The following WNT3 variants were observed in gnomAD, a reference collection of about 807,000 sequenced individuals.
WNT3 encodes the protein Wnt family member 3.
In WNT3, 7 loss-of-function variants were observed where a neutral mutation model predicts 34.2. The observed-to-expected ratio is 0.20, with a 90% CI of 0.12 to 0.38. WNT3 has a LOEUF of 0.38. Among genes scored for constraint, WNT3 ranks in the 10% least tolerant of loss-of-function variants. The probability of loss-of-function intolerance (pLI) is 1.00; values close to 1 mark genes in which losing one functional copy is unlikely to be tolerated. For missense variants in WNT3, 267 were observed against 499.8 expected (o/e 0.53, Z 4.44); for synonymous variants, 212 against 211.5 (o/e 1.00, Z -0.02).
intron 1 of WNT3, among the ~76,000 whole-genome samples, chr17:46,805,464 G>A (rs548213266): frequency 6.6e-6 from 1 of 151,798 alleles, no homozygotes; most frequent in African/African-American, 2.4e-5. Flanking sequence ...TCCCAGCTAC[G>A]TGAGAGGCTG....
chr17:46,798,550 C>T (rs2084083017), intron 1 of WNT3, among the ~76,000 whole-genome samples: 1 of 152,186 alleles, frequency 6.6e-6, no homozygotes, highest in South Asian at 2.1e-4. Flanking sequence ...TGAATTCCTT[C>T]TCAGAGTTTA....
intron 1 of WNT3, among the ~76,000 whole-genome samples, chr17:46,810,632 G>A (rs1462272209): frequency 2.6e-5 from 4 of 152,136 alleles, no homozygotes; most frequent in Admixed American, 1.3e-4. Context: ...ACAGCTCTTT[G>A]TGTGTAGAGT....
In WNT3 at chr17:46,772,274, C is replaced by T. The variant is rs1363040342; in HGVS notation, c.322+1394G>A. On this transcript the variant is annotated intron_variant, in intron 2 of 4. Transcript: ENST00000225512. ...ATCGCCCCTCCCCCCGCAACCCAAA[C>T]CTGTCCTCGGGCCATCTAGGGACCG... Among the ~76,000 whole-genome samples the T allele has an allele frequency of 3.9e-5, 6 of 152,364 alleles. No homozygotes were observed. In the East Asian group the frequency reaches 1.2e-3, roughly 29 times the overall value.
At chr17:46,766,057 G>A (rs1319682088) in intron 4 of WNT3, among the ~76,000 whole-genome samples, 1 of 152,054 alleles carries the variant, frequency 6.6e-6, no homozygotes, top group African/African-American at 2.4e-5. Flanking sequence ...ACATAAGATT[G>A]AGGAAAAAAA....
intron 1 of WNT3, among the ~76,000 whole-genome samples, chr17:46,811,378 G>A (rs1377552800): frequency 6.6e-6 from 1 of 152,182 alleles, no homozygotes; most frequent in Non-Finnish European, 1.5e-5. Context: ...GCACCCAGCG[G>A]CATTGGGGTG....
At chr17:46,774,272 G>T (rs945106058) in intron 1 of WNT3, among the ~76,000 whole-genome samples, 1 of 152,254 alleles carries the variant, frequency 6.6e-6, no homozygotes. Flanking sequence ...GATGGGCATT[G>T]AAGAGATCAG....
intron 1 of WNT3, among the ~76,000 whole-genome samples, chr17:46,794,755 T>TTTC (rs1282301652): frequency 3.1e-4 from 44 of 142,726 alleles, no homozygotes; most frequent in African/African-American, 1.2e-3. Context: ...TCTTTTTCTT[T>TTTC]TTTTTTTTTT....
chr17:46,783,837 G>A (rs1348388615), intron 1 of WNT3, among the ~76,000 whole-genome samples: 2 of 152,244 alleles, frequency 1.3e-5, no homozygotes, highest in Admixed American at 1.3e-4. Flanking sequence ...AGCAGAGGAG[G>A]GGAAGCAGCT....
rs923636134 is a variant in WNT3, at chr17:46,768,035, A to G, written c.*8+277T>C. On this transcript the variant is annotated intron_variant, in intron 4 of 4. Transcript: ENST00000225512. This position sits in a 1 kb window ranked among gnomAD's most constrained non-coding sequence, Gnocchi z 5.0. ...ACTCCTGACCTCAGGTGATCCGTCCACCTCGGCCTCCCAAAGTGCTGGGAT... is the reference window on the plus strand; with the variant it reads ...ACTCCTGACCTCAGGTGATCCGTCCGCCTCGGCCTCCCAAAGTGCTGGGAT... Among the ~76,000 whole-genome samples, 3 of 152,010 alleles carry G rather than the reference A, an allele frequency of 2.0e-5. No homozygotes were observed. Among genetic ancestry groups the G allele is most frequent in the African/African-American group, 7.2e-5 (3 of 41,384 alleles).
At chr17:46,775,993 G>A (rs1729345854) in intron 1 of WNT3, among the ~76,000 whole-genome samples, 1 of 152,146 alleles carries the variant, frequency 6.6e-6, no homozygotes, top group African/African-American at 2.4e-5. Context: ...TTTTCCTTGG[G>A]TTTGCCTCAT....
chr17:46,768,225 G>A lies in WNT3; in HGVS notation c.*8+87C>T. 6.4e-7 allele frequency: 1 copy of A among 1,570,292 alleles called. No individual in the cohort carries two copies. ...TGTCTTGGATAGCTTAGAAACAGAAGGGGGTCGTCAAGAAGACGAGATGGG... is the reference window on the plus strand; with the variant it reads ...TGTCTTGGATAGCTTAGAAACAGAAAGGGGTCGTCAAGAAGACGAGATGGG... On this transcript the variant is annotated intron_variant, in intron 4 of 4. Coordinates refer to ENST00000225512, the MANE Select transcript of WNT3 (RefSeq NM_030753.5). This position sits in a 1 kb window ranked among gnomAD's most constrained non-coding sequence, Gnocchi z 5.0.
At chr17:46,779,073 A>ACC (rs2059436314) in intron 1 of WNT3, among the ~76,000 whole-genome samples, 1 of 144,564 alleles carries the variant, frequency 6.9e-6, no homozygotes, top group East Asian at 2.3e-4. Flanking sequence ...ACACACACAC[A>ACC]CACACACACA....
intron 3 of WNT3, among the ~76,000 whole-genome samples, chr17:46,769,069 C>A (rs1399460734): frequency 4.6e-5 from 7 of 152,222 alleles, no homozygotes; most frequent in Non-Finnish European, 1.0e-4. Flanking sequence ...GTAATCCCAG[C>A]ACCTTGGGAG....
intron 1 of WNT3, among the ~76,000 whole-genome samples, chr17:46,800,681 A>G (rs539937110): frequency 6.6e-6 from 1 of 152,206 alleles, no homozygotes; most frequent in Non-Finnish European, 1.5e-5. Flanking sequence ...GTGACTCTCA[A>G]CAGTGTCCTT....
intron 2 of WNT3, among the ~76,000 whole-genome samples, chr17:46,771,598 G>C (rs1186728845): frequency 6.8e-6 from 1 of 147,616 alleles, no homozygotes; most frequent in Non-Finnish European, 1.5e-5. Flanking sequence ...ATCCGCCTTT[G>C]TTCGCGCGGT....
chr17:46,764,502 G>C lies in WNT3; in HGVS notation c.*128C>G, dbSNP rs759600970. ...GTTGGGTCTGGGTCATTTACCACGC[G>C]TGCGGCTGGTGACAGTTCCTTGCTG... On this transcript the variant is annotated 3_prime_UTR_variant, in exon 5 of 5. Transcript: ENST00000225512. The C allele has an allele frequency of 6.6e-6, 1 of 152,290 alleles. No homozygotes were observed. Among genetic ancestry groups the C allele is most frequent in the Non-Finnish European group, 1.5e-5 (1 of 68,078 alleles). The allele number at this position is 152,290 out of a possible 1,614,324, so 9.4% of individuals were successfully genotyped here.
intron 4 of WNT3, among the ~76,000 whole-genome samples, chr17:46,766,285 A>G (rs146748702): frequency 0.031 from 4,716 of 152,092 alleles, 144 homozygotes; most frequent in African/African-American, 0.07. Flanking sequence ...GCGGGCACCT[A>G]TAATCCCAGC....
chr17:46,782,824 C>T (rs2059473085), intron 1 of WNT3, among the ~76,000 whole-genome samples: 1 of 152,238 alleles, frequency 6.6e-6, no homozygotes. Context: ...AGGATTCCAG[C>T]TGCCACTGTT....
Position 46,773,855 on chromosome 17 carries a change from G to A in WNT3, c.135C>T (p.Cys45=), listed in dbSNP as rs143605657. 1,707 of 1,613,000 alleles carry A rather than the reference G, an allele frequency of 1.1e-3. 13 individuals carry two copies. Among genetic ancestry groups the A allele is most frequent in the Non-Finnish European group, 5.6e-4 (664 of 1,180,002 alleles). ...YTSLGSQPLL[C]GSIPGLVPKQ... Reference sequence around the variant, plus strand: ...TGGGGACCAGGCCTGGGATGGAGCCGCAGAGCAGGGGCTGTGAGCCCAGAG... The same window carrying A: ...TGGGGACCAGGCCTGGGATGGAGCCACAGAGCAGGGGCTGTGAGCCCAGAG... Residue 45 remains cysteine, a synonymous_variant, in exon 2 of 5, where the codon TGC becomes TGT. Coordinates refer to ENST00000225512, the MANE Select transcript of WNT3 (RefSeq NM_030753.5).
Sources: allele counts gnomAD v4.1 joint callset (sites outside exome capture counted in the v4.1 genomes callset), GRCh38; gene constraint gnomAD v4.1.1; non-coding constraint Gnocchi (gnomAD v3.1); transcripts MANE v1.5; gene names NCBI Gene and HGNC (gene_info 2026-07-23, HGNC 2026-07-21).